Variants in TMEFF2 observed in about 807,000 individuals in gnomAD.
The protein encoded by TMEFF2 is tomoregulin-2.
Under a neutral mutation model 53.8 loss-of-function variants are expected in TMEFF2, and 28 were observed. The ratio of observed to expected loss-of-function variants is 0.52; its 90% CI spans 0.39 to 0.71. The LOEUF is 0.71. TMEFF2 is among the 30% of genes least tolerant of loss of function. The probability of loss-of-function intolerance (pLI) is 0.00; values close to 1 mark genes in which losing one functional copy is unlikely to be tolerated. For missense variants in TMEFF2, 353 were observed against 455.2 expected, an observed-to-expected ratio of 0.78 and a Z score of 2.04; for synonymous variants, 162 against 166.3, an observed-to-expected ratio of 0.97 and a Z score of 0.20.
chr2:192,150,608 G>T (rs1029536593), intron 4 of TMEFF2, among the ~76,000 whole-genome samples: 1 of 151,058 alleles, frequency 6.6e-6, no homozygotes, highest in African/African-American at 2.4e-5. Context: ...TCTGGTTTGG[G>T]TTACTTTTCC....
At chr2:192,005,611 G>A (rs1024445735) in intron 5 of TMEFF2, among the ~76,000 whole-genome samples, 2 of 152,126 alleles carry the variant, frequency 1.3e-5, no homozygotes, top group African/African-American at 4.8e-5. Context: ...CAGTGAGGCT[G>A]GCTTTCTGGT....
chr2:191,949,639 A>AAT lies in TMEFF2; in HGVS notation c.*670_*671dup. 1.0e-6 allele frequency: 1 copy of AAT among 985,368 alleles called. No homozygotes were observed. Among genetic ancestry groups the AAT allele is most frequent in the South Asian group, 4.7e-5 (1 of 21,288 alleles). The allele number at this position is 985,368 out of a possible 1,614,324, so 61.0% of individuals were successfully genotyped here. A position where few individuals can be genotyped will look rare whatever the true frequency, so the allele number is the denominator to read the frequency against. ...CTAAGCTACTTCCCCAATAAAAACC[A>AAT]ATATTTTCTTTCCCTCTCCTTTATG... On this transcript the variant is annotated 3_prime_UTR_variant, in exon 10 of 10. Coordinates refer to ENST00000272771, the MANE Select transcript of TMEFF2 (RefSeq NM_016192.4).
At chr2:192,075,308 T>TATATAAATATAAATATAA (rs1553518801) in intron 4 of TMEFF2, among the ~76,000 whole-genome samples, 7 of 67,940 alleles carry the variant, frequency 1.0e-4, no homozygotes, top group Non-Finnish European at 1.9e-4. Context: ...TATATATATA[T>TATATAAATATAAATATAA]ATATATATAT....
intron 5 of TMEFF2, chr2:192,034,903 C>G (rs1687246377): frequency 6.6e-6 from 1 of 152,204 alleles, no homozygotes; most frequent in South Asian, 2.1e-4. Context: ...AACACACCTG[C>G]CGTGAAGTTT....
chr2:192,164,235 G>A (rs1690700367), intron 4 of TMEFF2, among the ~76,000 whole-genome samples: 1 of 151,992 alleles, frequency 6.6e-6, no homozygotes, highest in African/African-American at 2.4e-5. Context: ...CTATGCTCGG[G>A]CTGCACTTAC....
chr2:192,072,967 T>A (rs1000020483), intron 4 of TMEFF2, among the ~76,000 whole-genome samples: 3 of 152,006 alleles, frequency 2.0e-5, no homozygotes, highest in Non-Finnish European at 2.9e-5. Context: ...AAGCATGGGC[T>A]GTCTTTCATG....
At chr2:192,011,547 T>C (rs187403855) in intron 5 of TMEFF2, among the ~76,000 whole-genome samples, 52 of 152,356 alleles carry the variant, frequency 3.4e-4, no homozygotes, top group Non-Finnish European at 1.0e-4. Context: ...TTAAGCTGCA[T>C]AAACAAATGT....
At chr2:192,063,146 A>G (rs1688088504) in intron 4 of TMEFF2, among the ~76,000 whole-genome samples, 1 of 151,880 alleles carries the variant, frequency 6.6e-6, no homozygotes, top group African/African-American at 2.4e-5. Context: ...GAAATGCTTG[A>G]CTTTATGCCT....
Position 192,073,791 on chromosome 2 carries a change from TAAAAC to T in TMEFF2, c.440-16021_440-16017del, listed in dbSNP as rs775517686. Among the ~76,000 whole-genome samples, 350 of 152,088 alleles carry T rather than the reference TAAAAC, an allele frequency of 2.3e-3. 2 individuals are homozygous for T. The highest frequency in any genetic ancestry group is 8.2e-3 in the African/African-American group (339 of 41,534). ...TCCTTCACCTTTTAAGAAACAAAAA[TAAAAC>T]AAAATAAGGTGTTATCTAATATATT... On this transcript the variant is annotated intron_variant, in intron 4 of 9. Coordinates refer to ENST00000272771, the MANE Select transcript of TMEFF2 (RefSeq NM_016192.4).
chr2:192,105,820 T>C (rs1226750323), intron 4 of TMEFF2, among the ~76,000 whole-genome samples: 1 of 151,940 alleles, frequency 6.6e-6, no homozygotes, highest in Non-Finnish European at 1.5e-5. Context: ...ATCTAATAGA[T>C]AAGAATTGTA....
At chr2:191,963,066 G>A (rs893287109) in intron 7 of TMEFF2, among the ~76,000 whole-genome samples, 1 of 152,156 alleles carries the variant, frequency 6.6e-6, no homozygotes, top group African/African-American at 2.4e-5. Context: ...TTGGGAAGAG[G>A]TAGGAATCTA....
intron 7 of TMEFF2, among the ~76,000 whole-genome samples, chr2:191,966,848 T>C (rs562090846): frequency 6.6e-6 from 1 of 152,272 alleles, no homozygotes; most frequent in East Asian, 1.9e-4. Context: ...AGTGATCAGT[T>C]TGGTTTTCTA....
intron 4 of TMEFF2, among the ~76,000 whole-genome samples, chr2:192,127,220 CAAG>C (rs1322235193): frequency 6.6e-6 from 1 of 152,110 alleles, no homozygotes; most frequent in Non-Finnish European, 1.5e-5. Context: ...TCTCTGTCAG[CAAG>C]AAGGAAAAAC....
rs1221835982 is a variant in TMEFF2 at position 192,184,386 on chromosome 2, A to G, written c.380T>C (p.Ile127Thr). 3.7e-6 allele frequency: 6 copies of G among 1,613,388 alleles called. No homozygotes were observed. The highest frequency in any genetic ancestry group is 5.1e-6 in the Non-Finnish European group (6 of 1,179,504). Residue 127 changes from isoleucine (I) to threonine (T), a missense_variant, in exon 3 of 10, where the codon ATA becomes ACA. Ile to Thr is a moderately conservative substitution (Grantham distance 89, BLOSUM62 -1). This residue lies in a region of TMEFF2 where 294 missense variants were observed against 397.3 expected (regional missense o/e 0.74). Transcript: ENST00000272771. ...RQAACKQQSE[I>T]LVVSEGSCAT... Reference sequence around the variant, plus strand: ...ACATGATCCTTCTGACACCACAAGTATCTCACTCTGCTGTTTGCATGCAGC... The same window carrying G: ...ACATGATCCTTCTGACACCACAAGTGTCTCACTCTGCTGTTTGCATGCAGC...
chr2:192,168,367 A>G (rs1690822211), intron 4 of TMEFF2, among the ~76,000 whole-genome samples: 1 of 152,112 alleles, frequency 6.6e-6, no homozygotes, highest in Non-Finnish European at 1.5e-5. Context: ...GTCAAATTAA[A>G]TGAAGGCATC....
intron 4 of TMEFF2, among the ~76,000 whole-genome samples, chr2:192,166,070 G>A (rs532140061): frequency 6.6e-5 from 10 of 152,242 alleles, no homozygotes; most frequent in East Asian, 5.8e-4. Context: ...TTTCTAGTTC[G>A]TGACGCAGTG....
intron 4 of TMEFF2, among the ~76,000 whole-genome samples, chr2:192,121,160 A>G (rs778458899): frequency 1.3e-5 from 2 of 152,188 alleles, no homozygotes; most frequent in East Asian, 3.9e-4. Flanking sequence ...GGAAGGAGAC[A>G]TGTTAGCAGG....
At chr2:192,167,281 G>C (rs1240867567) in intron 4 of TMEFF2, among the ~76,000 whole-genome samples, 1 of 152,042 alleles carries the variant, frequency 6.6e-6, no homozygotes, top group Admixed American at 6.6e-5. Context: ...TGGTGGTGGA[G>C]TTAGGAAAAA....
At chr2:192,026,568 T>C (rs1275502437) in intron 5 of TMEFF2, among the ~76,000 whole-genome samples, 1 of 152,224 alleles carries the variant, frequency 6.6e-6, no homozygotes, top group Non-Finnish European at 1.5e-5. Context: ...GGGATGCTTC[T>C]GTTTATATTG....
Sources: gnomAD v4.1 joint callset for allele counts (sites outside exome capture counted in the v4.1 genomes callset) on GRCh38, gnomAD v4.1.1 for gene constraint, gnomAD v4.1.1 regional missense constraint, MANE v1.5 for transcripts, NCBI Gene and HGNC (gene_info 2026-07-23, HGNC 2026-07-21) for gene names.